RAP1A: variants seen among roughly 807,000 people sequenced by gnomAD.
RAP1A encodes ras-related protein Rap-1A.
Under a neutral mutation model 26.4 loss-of-function variants are expected in RAP1A, and 6 were observed. The observed-to-expected ratio is 0.23, with a 90% CI of 0.12 to 0.45. The LOEUF (loss-of-function observed/expected upper bound fraction) is 0.45, where lower values mean the gene tolerates loss of function less well. Ranked by LOEUF, RAP1A falls within the 20% of genes least tolerant of loss-of-function variation. The probability of loss-of-function intolerance (pLI) is 0.99; values close to 1 mark genes in which losing one functional copy is unlikely to be tolerated. For synonymous variants in RAP1A, 73 were observed against 79.4 expected (o/e 0.92, Z 0.43); for missense variants, 121 against 217.2 (o/e 0.56, Z 2.78).
intron 1 of RAP1A, among the ~76,000 whole-genome samples, chr1:111,673,260 G>A (rs1163015983): frequency 6.6e-6 from 1 of 152,108 alleles, no homozygotes; most frequent in East Asian, 1.9e-4. Context: ...TATGATCCCT[G>A]TAAATATTTA....
At chr1:111,595,970 A>G (rs1243895604) in intron 1 of RAP1A, among the ~76,000 whole-genome samples, 3 of 152,236 alleles carry the variant, frequency 2.0e-5, no homozygotes, top group Non-Finnish European at 2.9e-5. Context: ...GGACAATTAA[A>G]CAGCAGAAAA....
At chr1:111,706,503 T>C (rs564387752) in intron 6 of RAP1A, among the ~76,000 whole-genome samples, 36 of 152,268 alleles carry the variant, frequency 2.4e-4, no homozygotes, top group African/African-American at 8.4e-4. Flanking sequence ...CACACCACTT[T>C]GCAACGTTCT....
At chr1:111,693,509 T>A (rs556047416) in intron 2 of RAP1A, among the ~76,000 whole-genome samples, 107 of 152,220 alleles carry the variant, frequency 7.0e-4, no homozygotes, top group South Asian at 5.6e-3. Context: ...AATAAAATTA[T>A]AATCTATGTG....
At chr1:111,625,314 A>G (rs766663519) in intron 1 of RAP1A, among the ~76,000 whole-genome samples, 5 of 151,926 alleles carry the variant, frequency 3.3e-5, no homozygotes, top group Non-Finnish European at 5.9e-5. Context: ...TTCGTTTTTT[A>G]ACTGTTTTCT....
intron 1 of RAP1A, among the ~76,000 whole-genome samples, chr1:111,642,348 A>AT (rs1409021024): frequency 4.6e-5 from 7 of 152,196 alleles, no homozygotes; most frequent in Non-Finnish European, 8.8e-5. Context: ...CTCAAACAGT[A>AT]TTTTATGCAT....
At chr1:111,702,629 G>A (rs989216666) in intron 4 of RAP1A, among the ~76,000 whole-genome samples, 12 of 151,136 alleles carry the variant, frequency 7.9e-5, no homozygotes, top group Non-Finnish European at 1.0e-4. Context: ...GTGCAGTGGT[G>A]CGATGTTGGC....
intron 1 of RAP1A, among the ~76,000 whole-genome samples, chr1:111,620,534 C>T (rs1406752414): frequency 1.3e-5 from 2 of 152,314 alleles, no homozygotes; most frequent in Non-Finnish European, 2.9e-5. Flanking sequence ...GCATTGCTGT[C>T]TCCGGGCTCA....
chr1:111,545,900 T>G (rs999921404), intron 1 of RAP1A, among the ~76,000 whole-genome samples: 2 of 152,174 alleles, frequency 1.3e-5, no homozygotes, highest in African/African-American at 4.8e-5. Context: ...CGGAACAGTC[T>G]TGGAAACCTG....
At chr1:111,667,120 A>G (rs2101171596) in intron 1 of RAP1A, among the ~76,000 whole-genome samples, 1 of 152,332 alleles carries the variant, frequency 6.6e-6, no homozygotes, top group Admixed American at 6.5e-5. Context: ...CTATTTCAGT[A>G]GTCCCAGGAG....
chr1:111,670,992 C>G (rs907590448), intron 1 of RAP1A, among the ~76,000 whole-genome samples: 17 of 152,184 alleles, frequency 1.1e-4, no homozygotes, highest in Admixed American at 3.3e-4. Context: ...TCACATAACT[C>G]TGCTTCAGTT....
upstream of RAP1A, among the ~76,000 whole-genome samples, chr1:111,617,577 C>T (rs112326470): frequency 0.011 from 1,679 of 152,038 alleles, 25 homozygotes; most frequent in African/African-American, 0.038. Context: ...GGACTACAGG[C>T]GCCTGCCACC....
At chr1:111,664,359 G>A (rs1660725567) in intron 1 of RAP1A, among the ~76,000 whole-genome samples, 1 of 98,754 alleles carries the variant, frequency 1.0e-5, no homozygotes. Flanking sequence ...GGGCAACAAA[G>A]TGAGACTCCG....
At chr1:111,548,396 T>A (rs900172201) in intron 1 of RAP1A, among the ~76,000 whole-genome samples, 1 of 152,242 alleles carries the variant, frequency 6.6e-6, no homozygotes, top group African/African-American at 2.4e-5. Context: ...TAAAACTATA[T>A]GTCATCTCCT....
In RAP1A at chr1:111,712,664, T is replaced by G. The variant is rs1001249712; in HGVS notation, c.*263T>G. On this transcript the variant is annotated 3_prime_UTR_variant, in exon 8 of 8. Transcript: ENST00000369709. ...AGTTATAACAGATGTGAAAATATAC[T>G]TGACTCTAATATGATTATACAAAAG... 1 of 152,540 alleles carries G rather than the reference T, an allele frequency of 6.6e-6. No individual in the cohort carries two copies. Among genetic ancestry groups the G allele is most frequent in the Non-Finnish European group, 1.5e-5 (1 of 67,934 alleles). The allele number at this position is 152,540 out of a possible 1,614,324, so 9.4% of individuals were successfully genotyped here.
chr1:111,704,183 C>A (rs913403202), intron 5 of RAP1A, among the ~76,000 whole-genome samples, 160 bp from the exon 6 acceptor site: 7 of 144,834 alleles, frequency 4.8e-5, no homozygotes, highest in Non-Finnish European at 9.0e-5. Context: ...CTTCTTCCTT[C>A]GCCTCTTCCC....
At chr1:111,711,501 T>G (rs1214346479) in intron 7 of RAP1A, among the ~76,000 whole-genome samples, 1 of 152,236 alleles carries the variant, frequency 6.6e-6, no homozygotes, top group African/African-American at 2.4e-5. Flanking sequence ...GAATAAGACT[T>G]TAGTCTTGCT....
At chr1:111,659,763 A>G (rs1451109905) in intron 1 of RAP1A, among the ~76,000 whole-genome samples, 1 of 151,740 alleles carries the variant, frequency 6.6e-6, no homozygotes, top group Admixed American at 6.6e-5. Context: ...ACTGTATTAT[A>G]CTTGTTTTTA....
At chr1:111,639,623 T>G (rs1659836002) in intron 1 of RAP1A, among the ~76,000 whole-genome samples, 1 of 152,096 alleles carries the variant, frequency 6.6e-6, no homozygotes, top group African/African-American at 2.4e-5. Context: ...GGTTTTAGTG[T>G]TCTGGAAGAG....
intron 1 of RAP1A, among the ~76,000 whole-genome samples, chr1:111,598,688 T>C (rs1368183713): frequency 6.6e-6 from 1 of 152,164 alleles, no homozygotes; most frequent in Non-Finnish European, 1.5e-5. Context: ...CACAGAAGTC[T>C]TCTGTGACCA....
Sources: allele counts gnomAD v4.1 joint callset (sites outside exome capture counted in the v4.1 genomes callset), GRCh38; gene constraint gnomAD v4.1.1; transcripts MANE v1.5; gene names NCBI Gene and HGNC (gene_info 2026-07-23, HGNC 2026-07-21).